OSTC: variants seen among roughly 807,000 people sequenced by gnomAD.
OSTC encodes oligosaccharyltransferase complex non-catalytic subunit.
OSTC carries 16 observed loss-of-function variants against 16.4 expected under a neutral mutation model. The ratio of observed to expected loss-of-function variants is 0.98; its 90% confidence interval spans 0.66 to 1.49. The LOEUF is 1.49. OSTC is among the 40% of genes most tolerant of loss of function. The pLI is 0.00. For synonymous variants in OSTC, 67 were observed against 68.5 expected (o/e 0.98, Z 0.11); for missense variants, 139 against 186.3 (o/e 0.75, Z 1.48).
intron 3 of OSTC, among the ~76,000 whole-genome samples, chr4:108,662,063 G>C (rs574704147): frequency 6.6e-6 from 1 of 152,286 alleles, no homozygotes; most frequent in African/African-American, 2.4e-5. Flanking sequence ...GATACTATCA[G>C]ATAATTGAGG....
chr4:108,667,207 ATTCTT>A (rs1329658288), intron 3 of OSTC, 35 bp from the exon 4 acceptor site: 2 of 1,572,486 alleles, frequency 1.3e-6, no homozygotes, highest in African/African-American at 2.7e-5. Flanking sequence ...TATAAAAACA[ATTCTT>A]TTCACTTTTT....
chr4:108,656,867 A>G (rs984649590), intron 2 of OSTC, among the ~76,000 whole-genome samples: 2 of 152,310 alleles, frequency 1.3e-5, no homozygotes, highest in African/African-American at 4.8e-5. Context: ...TGGGAGGCCG[A>G]GATGGGCGGA....
At chr4:108,661,388 AATGTATGTGAAATC>A (rs1726853574) in intron 3 of OSTC, among the ~76,000 whole-genome samples, 2 of 152,262 alleles carry the variant, frequency 1.3e-5, no homozygotes, top group African/African-American at 4.8e-5. Flanking sequence ...TTTATGAGAT[AATGTATGTGAAATC>A]ATGTATGTAT....
At chr4:108,665,562 C>T (rs60526705) in intron 3 of OSTC, among the ~76,000 whole-genome samples, 54 of 134,224 alleles carry the variant, frequency 4.0e-4, no homozygotes, top group African/African-American at 8.8e-4. Context: ...TTTGTTTTTT[C>T]TTTTTTTTTT....
In OSTC at chr4:108,667,467, T is replaced by C; in HGVS notation, c.*202T>C. 1 of 428,630 alleles carries C rather than the reference T, an allele frequency of 2.3e-6. No homozygotes were observed. 26.6% of individuals were successfully genotyped at this position (428,630 alleles called of 1,614,324 possible). On this transcript the variant is annotated 3_prime_UTR_variant, in exon 4 of 4. Coordinates refer to ENST00000361564, the MANE Select transcript of OSTC (RefSeq NM_021227.4). ...TTAAAGAGACAAGTTTATCACAGAA[T>C]TTTTTTTCCTGCTGGCCTATTGCTA...
At chr4:108,657,321 A>G in intron 2 of OSTC, 129 bp from the exon 3 acceptor site, 1 of 760,130 alleles carries the variant, frequency 1.3e-6, no homozygotes, top group East Asian at 2.7e-5. Context: ...GTATAGTAAA[A>G]TAGTTGTAAG....
intron 2 of OSTC, among the ~76,000 whole-genome samples, chr4:108,656,007 C>A (rs898827887): frequency 6.6e-6 from 1 of 151,884 alleles, no homozygotes; most frequent in Non-Finnish European, 1.5e-5. Context: ...TTTATATGAT[C>A]TATGGCTGCT....
chr4:108,657,603 A>G lies in OSTC; in HGVS notation c.387A>G (p.Leu129=), dbSNP rs1380766741. 12 of 1,613,654 alleles carry G rather than the reference A, an allele frequency of 7.4e-6. No individual in the cohort carries two copies. The highest frequency in any genetic ancestry group is 1.0e-5 in the Non-Finnish European group (12 of 1,179,824). The change falls in exon 3 of 4, where the codon CTA becomes CTG. Residue 129 remains leucine (L), a synonymous_variant. Transcript: ENST00000361564. ...LLLFIGFVCV[L]LSFFMARVFM... ...TGTTCATTGGATTCGTCTGTGTCCT[A>G]TTGAGTTTTTTCATGGCTAGAGTAT...
At chr4:108,658,971 CTTTT>C (rs766585998) in intron 3 of OSTC, among the ~76,000 whole-genome samples, 2 of 83,910 alleles carry the variant, frequency 2.4e-5, no homozygotes, top group African/African-American at 1.1e-4. Flanking sequence ...GGCAGCAGCT[CTTTT>C]TTTTTTTTTT....
intron 3 of OSTC, among the ~76,000 whole-genome samples, chr4:108,665,022 C>T (rs2575632): frequency 0.81 from 123,681 of 152,098 alleles, 50,619 homozygotes; most frequent in East Asian, 1. Flanking sequence ...CAGGCTGATA[C>T]AGCAGAAAGA....
chr4:108,654,659 G>A lies in OSTC; in HGVS notation c.140-905G>A, dbSNP rs545976741. ...GGCTTGTTATGCTTAAGAAAAGCTG[G>A]AGATGAAGATGTTTGAGAACAGTGG... On this transcript the variant is annotated intron_variant, in intron 1 of 3. Coordinates refer to ENST00000361564, the MANE Select transcript of OSTC (RefSeq NM_021227.4). Among the ~76,000 whole-genome samples the A allele has an allele frequency of 9.2e-5, 14 of 152,228 alleles. No homozygotes were observed. The East Asian group carries it at 2.7e-3, about 29-fold the overall frequency.
intron 2 of OSTC, 73 bp downstream of exon 2, chr4:108,655,730 T>C: frequency 9.1e-7 from 1 of 1,101,550 alleles, no homozygotes; most frequent in South Asian, 1.4e-5. Flanking sequence ...TATTTAAAAA[T>C]AGAGTAAAAC....
intron 1 of OSTC, among the ~76,000 whole-genome samples, chr4:108,653,949 GA>G (rs1220317613): frequency 6.6e-6 from 1 of 152,160 alleles, no homozygotes; most frequent in East Asian, 1.9e-4. Flanking sequence ...TCATTTTGGA[GA>G]AAAGTAGAAG....
chr4:108,666,722 A>AAC (rs1727014799), intron 3 of OSTC, among the ~76,000 whole-genome samples: 1 of 148,830 alleles, frequency 6.7e-6, no homozygotes, highest in Non-Finnish European at 1.5e-5. Flanking sequence ...AAAAAAAAAA[A>AAC]AAAAACTTTG....
chr4:108,650,746 A>G lies in OSTC; in HGVS notation c.91A>G (p.Met31Val). 2.5e-6 allele frequency: 4 copies of G among 1,614,220 alleles called. No individual in the cohort carries two copies. The highest frequency in any genetic ancestry group is 3.4e-6 in the Non-Finnish European group (4 of 1,180,038). The change falls in exon 1 of 4, where the codon ATG (methionine) becomes GTG (valine). Residue 31 changes from methionine (M) to valine (V), a missense_variant. Coordinates refer to ENST00000361564, the MANE Select transcript of OSTC (RefSeq NM_021227.4). Reference protein sequence around the residue: ...KPPWLHMPSAMTVYALVVVSY... With the variant: ...KPPWLHMPSAVTVYALVVVSY... ...GCCCTGGTTGCACATGCCGTCGGCC[A>G]TGACTGTGTATGCTCTGGTGGTGGT...
intron 3 of OSTC, among the ~76,000 whole-genome samples, chr4:108,659,041 C>T (rs1284356006): frequency 7.3e-6 from 1 of 137,902 alleles, no homozygotes; most frequent in East Asian, 2.1e-4. Flanking sequence ...TGCAGTGGTG[C>T]AATCTCGGCT....
rs895258316 is a variant in OSTC, at chr4:108,667,601, A to AT, written c.*342dup. ...GATTATTTTTTACAACCCTCTTAAC[A>AT]TTTTTTGGAGATGACATTTCTGATT... On this transcript the variant is annotated 3_prime_UTR_variant, in exon 4 of 4. Transcript: ENST00000361564. 2.1e-5 allele frequency: 4 copies of AT among 190,684 alleles called. No individual in the cohort carries two copies. The highest frequency in any genetic ancestry group is 4.7e-5 in the African/African-American group (2 of 42,964). The allele number at this position is 190,684 out of a possible 1,614,324, so 11.8% of individuals were successfully genotyped here.
intron 2 of OSTC, 69 bp from the exon 3 acceptor site, chr4:108,657,381 A>T (rs879590546): frequency 8.5e-6 from 12 of 1,405,962 alleles, no homozygotes; most frequent in Non-Finnish European, 1.2e-5. Flanking sequence ...AAAAACGGAA[A>T]TAGGAATTTC....
At chr4:108,654,644 G>A (rs1246088076) in intron 1 of OSTC, among the ~76,000 whole-genome samples, 2 of 152,184 alleles carry the variant, frequency 1.3e-5, no homozygotes, top group Admixed American at 1.3e-4. Flanking sequence ...GGCTTGTTAT[G>A]CTTAAGAAAA....
Sources: allele counts gnomAD v4.1 joint callset (sites outside exome capture counted in the v4.1 genomes callset), GRCh38; gene constraint gnomAD v4.1.1; transcripts MANE v1.5; gene names NCBI Gene and HGNC (gene_info 2026-07-23, HGNC 2026-07-21).